The following PGS1 variants were observed in gnomAD, a reference collection of about 807,000 sequenced individuals.
The protein encoded by PGS1 is CDP-diacylglycerol--glycerol-3-phosphate 3-phosphatidyltransferase, mitochondrial.
A neutral mutation model predicts 58.3 loss-of-function variants in PGS1; 44 were observed. The ratio of observed to expected loss-of-function variants is 0.75; its 90% CI spans 0.59 to 0.97. PGS1 has a LOEUF of 0.97. PGS1 is among the 50% of genes least tolerant of loss of function. The pLI is 0.00. For missense variants in PGS1, 684 were observed against 731.1 expected (o/e 0.94, Z 0.74); for synonymous variants, 330 against 311.0 (o/e 1.06, Z -0.64).
At chr17:78,380,299 C>T (rs1857966496) in intron 1 of PGS1, among the ~76,000 whole-genome samples, 1 of 152,154 alleles carries the variant, frequency 6.6e-6, no homozygotes, top group African/African-American at 2.4e-5. Context: ...GATTTGACCT[C>T]CTGGGGTCAG....
intron 7 of PGS1, among the ~76,000 whole-genome samples, chr17:78,413,204 G>A (rs546289842): frequency 3.9e-5 from 6 of 152,332 alleles, no homozygotes; most frequent in Admixed American, 1.3e-4. Context: ...AGGAACAGGC[G>A]TAGGGCCTCG....
chr17:78,387,823 C>T (rs1025098334), intron 1 of PGS1, among the ~76,000 whole-genome samples: 8 of 152,100 alleles, frequency 5.3e-5, no homozygotes, highest in Non-Finnish European at 1.0e-4. Context: ...GTCTCGATCT[C>T]CTGGCCTCAA....
chr17:78,399,749 A>G (rs928116410), intron 5 of PGS1, among the ~76,000 whole-genome samples: 3 of 152,236 alleles, frequency 2.0e-5, no homozygotes, highest in Admixed American at 6.5e-5. Context: ...TTGACAGGGC[A>G]CTTAGTCTGT....
At chr17:78,386,313 T>C (rs2082380527) in intron 1 of PGS1, among the ~76,000 whole-genome samples, 1 of 152,238 alleles carries the variant, frequency 6.6e-6, no homozygotes, top group Non-Finnish European at 1.5e-5. Context: ...TGATTTTGAA[T>C]GCTGGAGCAC....
At chr17:78,419,449 T>C (rs1276876489) in intron 8 of PGS1, 97 bp from the exon 9 acceptor site, 1 of 1,089,044 alleles carries the variant, frequency 9.2e-7, no homozygotes, top group Non-Finnish European at 1.4e-6. Context: ...GTCAGGGTTT[T>C]CTGGGCTGGC....
chr17:78,381,731 G>T (rs1469489804), intron 1 of PGS1, among the ~76,000 whole-genome samples: 6 of 152,178 alleles, frequency 3.9e-5, no homozygotes, highest in Non-Finnish European at 8.8e-5. Flanking sequence ...CTCGTGAGGG[G>T]ACGTTCCTTT....
chr17:78,403,819 C>T lies in PGS1; in HGVS notation c.1132C>T (p.Arg378Cys), dbSNP rs375831668. 52 of 1,614,108 alleles carry T rather than the reference C, an allele frequency of 3.2e-5. No homozygotes were observed. In the African/African-American group the frequency reaches 3.7e-4, roughly 12 times the overall value. Residue 378 changes from arginine (R) to cysteine (C), a missense_variant, in exon 7 of 10, where the codon CGC becomes TGC. Coordinates refer to ENST00000262764, the MANE Select transcript of PGS1 (RefSeq NM_024419.5). ...VTETLLTEAE[R>C]GAKVYLTTGY... ...TGAGACCCTGTTGACTGAGGCGGAGCGCGGGGCAAAGGTCTACCTCACCAC... is the reference window on the plus strand; with the variant it reads ...TGAGACCCTGTTGACTGAGGCGGAGTGCGGGGCAAAGGTCTACCTCACCAC...
intron 5 of PGS1, among the ~76,000 whole-genome samples, chr17:78,399,768 C>G (rs1255631938): frequency 6.6e-6 from 1 of 152,248 alleles, no homozygotes; most frequent in African/African-American, 2.4e-5. Flanking sequence ...GTGCTGGCCA[C>G]TCAGGTATGT....
intron 3 of PGS1, among the ~76,000 whole-genome samples, chr17:78,397,121 ATAGG>A (rs1338522158): frequency 6.6e-6 from 1 of 152,156 alleles, no homozygotes; most frequent in Non-Finnish European, 1.5e-5. Flanking sequence ...TTACAGTGAG[ATAGG>A]TGGGTGGGAA....
intron 9 of PGS1, among the ~76,000 whole-genome samples, chr17:78,423,162 C>T (rs1041214055): frequency 2.0e-5 from 3 of 151,794 alleles, no homozygotes; most frequent in African/African-American, 4.8e-5. Flanking sequence ...TCTTTTCTGA[C>T]GTTTGCCGCT....
chr17:78,415,172 C>A, intron 8 of PGS1, 145 bp downstream of exon 8: 3 of 923,202 alleles, frequency 3.2e-6, no homozygotes, highest in African/African-American at 1.6e-5. Flanking sequence ...TCTGGGTCTC[C>A]AAGAGTGCAG....
chr17:78,387,764 T>C (rs559626793), intron 1 of PGS1, among the ~76,000 whole-genome samples: 1 of 151,936 alleles, frequency 6.6e-6, no homozygotes, highest in Non-Finnish European at 1.5e-5. Flanking sequence ...CATGCCTGGC[T>C]AACTTTTAAT....
rs775469312 is a variant in PGS1, at chr17:78,403,814, C to G, written c.1127C>G (p.Ala376Gly). The change falls in exon 7 of 10, where the codon GCG (alanine) becomes GGG (glycine). Residue 376 changes from alanine to glycine, a missense_variant. Coordinates refer to ENST00000262764, the MANE Select transcript of PGS1 (RefSeq NM_024419.5). ...GTCACTGAGACCCTGTTGACTGAGG[C>G]GGAGCGCGGGGCAAAGGTCTACCTC... Reference protein sequence around the residue: ...EIVTETLLTEAERGAKVYLTT... With the variant: ...EIVTETLLTEGERGAKVYLTT... The G allele has an allele frequency of 6.2e-7, 1 of 1,614,228 alleles. No homozygotes were observed. The highest frequency in any genetic ancestry group is 1.3e-5 in the African/African-American group (1 of 75,058).
intron 4 of PGS1, 160 bp from the exon 5 acceptor site, chr17:78,399,188 G>A (rs908237104): frequency 3.1e-5 from 19 of 617,884 alleles, no homozygotes; most frequent in Admixed American, 1.7e-4. Context: ...CAGGACAGAG[G>A]TTGGCCTGGA....
chr17:78,414,834 G>A (rs1321632009), intron 7 of PGS1, 45 bp from the exon 8 acceptor site: 1 of 1,604,306 alleles, frequency 6.2e-7, no homozygotes, highest in Non-Finnish European at 8.5e-7. Flanking sequence ...GACTTTGGTA[G>A]ATGCTGTGCT....
intron 4 of PGS1, 67 bp downstream of exon 4, chr17:78,398,418 C>T (rs1004933638): frequency 5.4e-5 from 56 of 1,028,548 alleles, no homozygotes; most frequent in Non-Finnish European, 8.0e-5. Flanking sequence ...AGAGGGGTTA[C>T]TGTCACCCCC....
At position 78,399,327 on chromosome 17, in the gene PGS1, G is replaced by A. The variant is rs529079791; in HGVS notation, c.512-21G>A. 2.2e-5 allele frequency: 36 copies of A among 1,604,434 alleles called. 2 individuals carry two copies. In the South Asian group the frequency reaches 3.1e-4, roughly 14 times the overall value. The stretch of plus-strand genomic sequence containing the variant: ...GCCTTCCTGTTGTGAGTCAGGTGCC[G>A]TTTTCTCTGTCCGTGTTCAGGCCGG... On this transcript the variant is annotated intron_variant, in intron 4 of 9. Transcript: ENST00000262764.
chr17:78,411,911 T>TC (rs2084745356), intron 7 of PGS1, among the ~76,000 whole-genome samples: 2 of 137,762 alleles, frequency 1.5e-5, no homozygotes, highest in African/African-American at 5.5e-5. Context: ...GCTTTTTTTT[T>TC]TTTTTTTTTT....
At chr17:78,420,868 A>G (rs2085667732) in intron 9 of PGS1, 1 of 152,178 alleles carries the variant, frequency 6.6e-6, no homozygotes. Context: ...TAACGTGCAT[A>G]TCCTGCTGTC....
Sources: gnomAD v4.1 joint callset for allele counts (sites outside exome capture counted in the v4.1 genomes callset) on GRCh38, gnomAD v4.1.1 for gene constraint, MANE v1.5 for transcripts, NCBI Gene and HGNC (gene_info 2026-07-23, HGNC 2026-07-21) for gene names.